GTF2IRD2B: variants seen among roughly 807,000 people sequenced by gnomAD.
The protein encoded by GTF2IRD2B is general transcription factor II-I repeat domain-containing protein 2B.
A neutral mutation model predicts 55.6 loss-of-function variants in GTF2IRD2B; 10 were observed. The observed-to-expected ratio is 0.18, with a 90% CI of 0.11 to 0.31. The LOEUF is 0.31. GTF2IRD2B is among the 10% of genes least tolerant of loss of function. The pLI is 1.00. For missense variants in GTF2IRD2B, 206 were observed against 802.7 expected (o/e 0.26, Z 8.98); for synonymous variants, 107 against 320.5 (o/e 0.33, Z 7.12).
chr7:75,117,569 C>T (rs1310532956), intron 3 of GTF2IRD2B, among the ~76,000 whole-genome samples: 12 of 152,298 alleles, frequency 7.9e-5, no homozygotes, highest in Non-Finnish European at 1.8e-4. Flanking sequence ...CAGCTGGCTT[C>T]CCAGCAAGTC....
chr7:75,149,302 G>C lies in GTF2IRD2B; in HGVS notation c.*5G>C, dbSNP rs782661153. Reference sequence around the variant, plus strand: ...GTACTCCACATCGCAACGTGATGGAGAGAAAACTCCTGGCAGGGCCCTATG... The same window carrying C: ...GTACTCCACATCGCAACGTGATGGACAGAAAACTCCTGGCAGGGCCCTATG... On this transcript the variant is annotated 3_prime_UTR_variant, in exon 16 of 16. Transcript: ENST00000472837. 1.9e-5 allele frequency: 14 copies of C among 753,990 alleles called. No homozygotes were observed. The East Asian group carries it at 3.4e-4, about 18-fold the overall frequency. 46.7% of individuals were successfully genotyped at this position (753,990 alleles called of 1,614,324 possible).
chr7:75,104,695 A>G (rs1428313127), intron 1 of GTF2IRD2B, among the ~76,000 whole-genome samples: 1 of 152,280 alleles, frequency 6.6e-6, no homozygotes, highest in Non-Finnish European at 1.5e-5. Flanking sequence ...TGGGAACTTA[A>G]CACGTCTTTG....
At chr7:75,132,701 C>T (rs1449183539) in intron 8 of GTF2IRD2B, among the ~76,000 whole-genome samples, 1 of 142,270 alleles carries the variant, frequency 7.0e-6, no homozygotes, top group South Asian at 2.1e-4. Context: ...TACAGGCGTC[C>T]GCCACCACTC....
intron 8 of GTF2IRD2B, among the ~76,000 whole-genome samples, chr7:75,126,954 A>C (rs1214337308): frequency 1.3e-5 from 2 of 149,056 alleles, no homozygotes; most frequent in African/African-American, 4.9e-5. Flanking sequence ...CCAAGATCAC[A>C]CCACTGCACT....
intron 6 of GTF2IRD2B, chr7:75,123,744 G>A: frequency 1.5e-6 from 1 of 661,082 alleles, no homozygotes; most frequent in Non-Finnish European, 2.6e-6. Flanking sequence ...CGGGCGTGGT[G>A]GCGGGCGCCT....
intron 1 of GTF2IRD2B, among the ~76,000 whole-genome samples, chr7:75,106,391 GAAAC>G (rs1156553277): frequency 6.6e-6 from 1 of 151,768 alleles, no homozygotes; most frequent in Non-Finnish European, 1.5e-5. Context: ...TGACAAGAGT[GAAAC>G]TCAATAGAAA....
chr7:75,102,625 C>T (rs1184280326), intron 1 of GTF2IRD2B, among the ~76,000 whole-genome samples: 1 of 151,504 alleles, frequency 6.6e-6, no homozygotes, highest in Admixed American at 6.6e-5. Context: ...AGCCACTGCA[C>T]TCCAGCCTGG....
chr7:75,147,435 A>C (rs2529322), intron 15 of GTF2IRD2B, among the ~76,000 whole-genome samples: 331 of 150,876 alleles, frequency 2.2e-3, no homozygotes, highest in Middle Eastern at 0.01. Flanking sequence ...TCCGTCTCAA[A>C]AACAACGACA....
At chr7:75,130,091 CTCTTTCTTTCTT>C (rs201826313) in intron 8 of GTF2IRD2B, among the ~76,000 whole-genome samples, 37 of 77,586 alleles carry the variant, frequency 4.8e-4, no homozygotes, top group Middle Eastern at 5.8e-3. Flanking sequence ...AATTTATTTT[CTCTTTCTTTCTT>C]TCTTTCTTTC....
intron 2 of GTF2IRD2B, among the ~76,000 whole-genome samples, chr7:75,109,300 G>A (rs1807891174): frequency 6.9e-6 from 1 of 145,498 alleles, no homozygotes; most frequent in Non-Finnish European, 1.5e-5. Context: ...CAGCCTCCTG[G>A]GTAGCTGGGA....
intron 3 of GTF2IRD2B, among the ~76,000 whole-genome samples, chr7:75,116,550 CT>C (rs1199636181): frequency 1.8e-3 from 259 of 144,724 alleles, no homozygotes; most frequent in African/African-American, 6.2e-3. Flanking sequence ...ATTTGGAGGC[CT>C]TTTTTTTTCT....
rs587773765 is a variant in GTF2IRD2B at position 75,149,311 on chromosome 7, C to G, written c.*14C>G. On this transcript the variant is annotated 3_prime_UTR_variant, in exon 16 of 16. Transcript: ENST00000472837. ...ATCGCAACGTGATGGAGAGAAAACT[C>G]CTGGCAGGGCCCTATGGTGGGAAAG... The G allele has an allele frequency of 1.2e-5, 9 of 744,896 alleles. No homozygotes were observed. The East Asian group carries it at 2.2e-4, about 18-fold the overall frequency. 46.1% of individuals were successfully genotyped at this position (744,896 alleles called of 1,614,324 possible). A position where few individuals can be genotyped will look rare whatever the true frequency, so the allele number is the denominator to read the frequency against.
intron 1 of GTF2IRD2B, among the ~76,000 whole-genome samples, chr7:75,101,150 A>T (rs1807539710): frequency 1.0e-5 from 1 of 99,884 alleles, no homozygotes; most frequent in Non-Finnish European, 2.1e-5. Flanking sequence ...GTGAGCTGAG[A>T]TCGTGCCACT....
intron 1 of GTF2IRD2B, 110 bp downstream of exon 1, chr7:75,092,875 C>T (rs1807293279): frequency 1.3e-5 from 2 of 152,732 alleles, no homozygotes; most frequent in South Asian, 3.6e-4. Flanking sequence ...CGCCCGGCCG[C>T]AGCGGGAGGT....
chr7:75,130,588 C>T (rs587618116), intron 8 of GTF2IRD2B, among the ~76,000 whole-genome samples: 252 of 151,008 alleles, frequency 1.7e-3, no homozygotes, highest in African/African-American at 6.1e-3. Flanking sequence ...AGTGATTCTC[C>T]TGCTTCAGCC....
intron 8 of GTF2IRD2B, among the ~76,000 whole-genome samples, chr7:75,127,468 C>CAAAAAAAA (rs71246071): frequency 3.0e-5 from 1 of 33,218 alleles, no homozygotes; most frequent in Non-Finnish European, 6.4e-5. Context: ...GACGTTGTCT[C>CAAAAAAAA]AAAAAAAAAA....
chr7:75,132,548 C>CTTCT (rs1563098175), intron 8 of GTF2IRD2B, among the ~76,000 whole-genome samples: 1 of 85,316 alleles, frequency 1.2e-5, no homozygotes, highest in Non-Finnish European at 2.2e-5. Context: ...CTCCTTCCTT[C>CTTCT]TTTTTTTTTT....
In GTF2IRD2B at chr7:75,149,670, G is replaced by A. The variant is rs1204393770; in HGVS notation, c.*373G>A. 2.3e-5 allele frequency: 5 copies of A among 220,024 alleles called. No homozygotes were observed. Among genetic ancestry groups the A allele is most frequent in the South Asian group, 2.1e-4 (4 of 18,788 alleles). 13.6% of individuals were successfully genotyped at this position (220,024 alleles called of 1,614,324 possible). A position where few individuals can be genotyped will look rare whatever the true frequency, so the allele number is the denominator to read the frequency against. ...TGGGATTACAGGCATGAACCACTGT[G>A]CCCAGCTGACAAAATGAGTTCTTAA... On this transcript the variant is annotated 3_prime_UTR_variant, in exon 16 of 16. Coordinates refer to ENST00000472837, the MANE Select transcript of GTF2IRD2B (RefSeq NM_001003795.3).
intron 1 of GTF2IRD2B, among the ~76,000 whole-genome samples, chr7:75,096,606 A>T (rs1807387068): frequency 9.5e-6 from 1 of 104,878 alleles, no homozygotes; most frequent in African/African-American, 4.5e-5. Context: ...TTGGATTTTT[A>T]GTAGAGACAG....
Sources: allele counts gnomAD v4.1 joint callset (sites outside exome capture counted in the v4.1 genomes callset), GRCh38; gene constraint gnomAD v4.1.1; transcripts MANE v1.5; gene names NCBI Gene and HGNC (gene_info 2026-07-23, HGNC 2026-07-21).